The following ISLR2 variants were observed in gnomAD, a reference collection of about 807,000 sequenced individuals.
ISLR2 encodes immunoglobulin superfamily containing leucine rich repeat 2, also known as immunoglobulin superfamily containing leucine-rich repeat protein 2.
In ISLR2, 16 loss-of-function variants were observed where a neutral mutation model predicts 25.5. That is an observed-to-expected ratio of 0.63 (90% CI 0.43 to 0.95). The LOEUF is 0.95. Among genes scored for constraint, ISLR2 ranks in the 40% least tolerant of loss-of-function variants. The pLI is 0.00. For synonymous variants in ISLR2, 508 were observed against 486.6 expected, an observed-to-expected ratio of 1.04 and a Z score of -0.58; for missense variants, 883 against 1,030.7, an observed-to-expected ratio of 0.86 and a Z score of 1.96.
In ISLR2 at chr15:74,134,870, T is replaced by C. The variant is rs778971500; in HGVS notation, c.2116T>C (p.Ser706Pro). ...GGCCTGCTCACTGGTGGAGTCCCAGTCCAAGGCCAACCAAGAGGAGTTCGA... is the reference window on the plus strand; with the variant it reads ...GGCCTGCTCACTGGTGGAGTCCCAGCCCAAGGCCAACCAAGAGGAGTTCGA... ...LAACSLVESQ[S>P]KANQEEFEAG... Residue 706 changes from serine (S) to proline (P), a missense_variant, in exon 3 of 3, where the codon TCC (serine) becomes CCC (proline). Physicochemically the swap from Ser to Pro is moderately conservative, Grantham distance 74. Transcript: ENST00000453268. The C allele has an allele frequency of 5.6e-5, 91 of 1,613,990 alleles. No homozygotes were observed. The East Asian group carries it at 1.9e-3, about 33-fold the overall frequency.
downstream of ISLR2, chr15:74,138,288 C>CTTTTTTTTTTTTTTTT (rs34518777): frequency 2.2e-5 from 2 of 91,674 alleles, no homozygotes; most frequent in Non-Finnish European, 4.3e-5. Flanking sequence ...TTTCTTTTCT[C>CTTTTTTTTTTTTTTTT]TTTTTTTTTT....
At chr15:74,123,744 T>TCCTGTTCATAAATATCC (rs1441236228), upstream of ISLR2, among the ~76,000 whole-genome samples, 1 of 152,190 alleles carries the variant, frequency 6.6e-6, no homozygotes, top group Non-Finnish European at 1.5e-5. Flanking sequence ...CATAAACATC[T>TCCTGTTCATAAATATCC]CCTGTTCATA....
chr15:74,116,780 C>T (rs1413335248), intron 2 of ISLR2, among the ~76,000 whole-genome samples: 1 of 152,108 alleles, frequency 6.6e-6, no homozygotes, highest in Non-Finnish European at 1.5e-5. Flanking sequence ...AGGTGGCAGT[C>T]ACAGTTGAGG....
chr15:74,139,863 AGTGTGTGTGT>A (rs10579764), downstream of ISLR2, among the ~76,000 whole-genome samples: 3,353 of 128,096 alleles, frequency 0.026, 50 homozygotes, highest in African/African-American at 0.035. Flanking sequence ...CGGCTTGAGG[AGTGTGTGTGT>A]GTGTGTGTGT....
upstream of ISLR2, chr15:74,128,166 T>G (rs1020429445): frequency 6.7e-6 from 2 of 298,628 alleles, no homozygotes; most frequent in African/African-American, 4.6e-5. Flanking sequence ...CCGGACGAGG[T>G]GCGCGCAGTC....
At chr15:74,113,786 CAA>C (rs2072189428) in intron 2 of ISLR2, among the ~76,000 whole-genome samples, 1 of 152,164 alleles carries the variant, frequency 6.6e-6, no homozygotes, top group African/African-American at 2.4e-5. Context: ...CCTGAGATTC[CAA>C]GAGTGGAGAC....
intron 2 of ISLR2, among the ~76,000 whole-genome samples, chr15:74,115,694 C>G (rs923048223): frequency 6.6e-6 from 1 of 150,952 alleles, no homozygotes; most frequent in African/African-American, 2.4e-5. Context: ...GACCCTGTCT[C>G]AAATAAATAA....
intron 2 of ISLR2, among the ~76,000 whole-genome samples, chr15:74,114,741 A>G (rs926701585): frequency 5.9e-5 from 9 of 152,230 alleles, no homozygotes; most frequent in African/African-American, 2.2e-4. Context: ...TATATAAAAC[A>G]ATAGTTTTCA....
rs769321234 is a variant in ISLR2 at position 74,134,170 on chromosome 15, G to T, written c.1416G>T (p.Ala472=). The change falls in exon 3 of 3, where the codon GCG becomes GCT. Residue 472 remains alanine (A), a synonymous_variant. Transcript: ENST00000453268. ...GDPSRYVSNH[A]FNQSAELKPH... is the part of the protein sequence containing the mutation. ...CCTCTCGGTACGTTTCTAACCACGC[G>T]TTCAACCAGAGCGCAGAGCTCAAGC... The T allele has an allele frequency of 1.9e-6, 3 of 1,612,892 alleles. No individual in the cohort carries two copies. Among genetic ancestry groups the T allele is most frequent in the Non-Finnish European group, 2.5e-6 (3 of 1,179,638 alleles).
chr15:74,126,938 GTGTGTGTGTGTGTGT>G (rs1567158266), upstream of ISLR2: 20 of 143,690 alleles, frequency 1.4e-4, no homozygotes, highest in African/African-American at 5.7e-4. Flanking sequence ...GTGTGTGTGT[GTGTGTGTGTGTGTGT>G]CTGTGCGCGC....
chr15:74,137,502 G>C (rs1050737635), downstream of ISLR2, among the ~76,000 whole-genome samples: 11 of 152,160 alleles, frequency 7.2e-5, no homozygotes, highest in African/African-American at 2.7e-4. Context: ...TGGGGAATCA[G>C]GGTTGAAAAC....
At position 74,102,815 on chromosome 15, in the gene ISLR2, A is replaced by AT. The variant is rs929821498; in HGVS notation, n.160-1020dup. Among the ~76,000 whole-genome samples, 195 of 146,684 alleles carry AT rather than the reference A, an allele frequency of 1.3e-3. 2 individuals are homozygous for AT. The highest frequency in any genetic ancestry group is 9.5e-4 in the African/African-American group (38 of 40,028). On this transcript the variant is annotated intron_variant and non_coding_transcript_variant, in intron 1 of 3. Coordinates refer to the ISLR2 transcript ENST00000561975. ...GATGACAGTTTTATTTCCCAATAGG[A>AT]TTTTTTTTTTTGAGTCAGAATCTTG...
Position 74,132,812 on chromosome 15 carries a change from T to C in ISLR2, c.58T>C (p.Cys20Arg). The change falls in exon 3 of 3, where the codon TGC becomes CGC. Residue 20 changes from cysteine to arginine, a missense_variant. By Grantham distance (180) the Cys-to-Arg change is radical. Coordinates refer to ENST00000453268, the MANE Select transcript of ISLR2 (RefSeq NM_020851.3). This position sits in a 1 kb window ranked among gnomAD's most constrained non-coding sequence, Gnocchi z 4.3. The stretch of plus-strand genomic sequence containing the variant: ...GGCGCTTCTAGGAGTGGCCGGATCA[T>C]GCCCGGAGCCGTGCGCCTGCGTGGA... ...VWALLGVAGS[C>R]PEPCACVDKY... The C allele has an allele frequency of 6.2e-7, 1 of 1,614,102 alleles. No individual in the cohort carries two copies. Among genetic ancestry groups the C allele is most frequent in the Non-Finnish European group, 8.5e-7 (1 of 1,179,952 alleles).
rs558752972 is a variant in ISLR2, at chr15:74,132,047, T to C, written c.-8-700T>C. Reference sequence around the variant, plus strand: ...GTTCGTGTGAGGACTTGTGTCCTTGTGTCTGTCAATTGTCACAATGGACAG... The same window carrying C: ...GTTCGTGTGAGGACTTGTGTCCTTGCGTCTGTCAATTGTCACAATGGACAG... On this transcript the variant is annotated intron_variant, in intron 2 of 2. Transcript: ENST00000453268. The surrounding 1 kb of genome is among the most constrained non-coding windows in gnomAD (Gnocchi z 4.3). 2.0e-5 allele frequency: 3 copies of C among 152,462 alleles called. No individual in the cohort carries two copies. Among genetic ancestry groups the C allele is most frequent in the East Asian group, 1.9e-4 (1 of 5,176 alleles). The allele number at this position is 152,462 out of a possible 1,614,324, so 9.4% of individuals were successfully genotyped here. A position where few individuals can be genotyped will look rare whatever the true frequency, so the allele number is the denominator to read the frequency against.
chr15:74,128,260 C>T, upstream of ISLR2: 2 of 338,666 alleles, frequency 5.9e-6, no homozygotes, highest in South Asian at 4.8e-5. Flanking sequence ...GACTCGGGCT[C>T]CAGCCCTGCC....
chr15:74,137,424 T>C (rs550399737), downstream of ISLR2, among the ~76,000 whole-genome samples: 181 of 152,190 alleles, frequency 1.2e-3, 1 homozygote, highest in African/African-American at 4.2e-3. Flanking sequence ...GTGCGTTGTG[T>C]GGGTGGGTGG....
At chr15:74,120,917 TCTTCCCTTCCTGCC>T (rs995746033) in intron 2 of ISLR2, among the ~76,000 whole-genome samples, 3 of 151,968 alleles carry the variant, frequency 2.0e-5, no homozygotes, top group African/African-American at 7.3e-5. Flanking sequence ...GCAGTCTGCT[TCTTCCCTTCCTGCC>T]CTTCCTCTCC....
chr15:74,129,500 G>T (rs1314676869), upstream of ISLR2: 1 of 157,612 alleles, frequency 6.3e-6, no homozygotes, highest in African/African-American at 2.4e-5. The surrounding 1 kb of genome is among the most constrained non-coding windows in gnomAD (Gnocchi z 4.5). Flanking sequence ...AATGGGTGGG[G>T]ATTCTGCGTG....
intron 2 of ISLR2, among the ~76,000 whole-genome samples, chr15:74,107,289 T>TCAGCTGTAAGAGGGCAGCTG (rs2072128459): frequency 6.6e-6 from 1 of 152,170 alleles, no homozygotes; most frequent in Admixed American, 6.5e-5. Context: ...CAGGAACTGA[T>TCAGCTGTAAGAGGGCAGCTG]CCACCTGTAA....
Sources: allele counts gnomAD v4.1 joint callset (sites outside exome capture counted in the v4.1 genomes callset), GRCh38; gene constraint gnomAD v4.1.1; non-coding constraint Gnocchi (gnomAD v3.1); transcripts MANE v1.5; gene names NCBI Gene and HGNC (gene_info 2026-07-23, HGNC 2026-07-21).